The following ANAPC2 variants were observed in gnomAD, a reference collection of about 807,000 sequenced individuals.
The protein encoded by ANAPC2 is anaphase promoting complex subunit 2.
ANAPC2 carries 29 observed loss-of-function variants against 84.3 expected under a neutral mutation model. The observed-to-expected ratio is 0.34, with a 90% CI of 0.26 to 0.47. The LOEUF (loss-of-function observed/expected upper bound fraction) is 0.47, where lower values mean the gene tolerates loss of function less well. Among genes scored for constraint, ANAPC2 ranks in the 20% least tolerant of loss-of-function variants. ANAPC2 has a pLI of 1.00. For missense variants in ANAPC2, 857 were observed against 1,131.7 expected (o/e 0.76, Z 3.48); for synonymous variants, 571 against 479.4 (o/e 1.19, Z -2.50).
intron 8 of ANAPC2, 118 bp downstream of exon 8, chr9:137,180,670 T>G: frequency 6.4e-7 from 1 of 1,561,990 alleles, no homozygotes; most frequent in South Asian, 1.2e-5. Flanking sequence ...CAGCCAGGAG[T>G]GGGGGCGGAA....
intron 10 of ANAPC2, among the ~76,000 whole-genome samples, chr9:137,177,547 G>A (rs1184806948): frequency 4.7e-5 from 7 of 148,664 alleles, no homozygotes; most frequent in Admixed American, 4.6e-4. Context: ...GATGTGTGTG[G>A]AACTTTGTGT....
chr9:137,185,260 G>T (rs557946272), intron 3 of ANAPC2, among the ~76,000 whole-genome samples, 173 bp from the exon 4 acceptor site: 8 of 152,316 alleles, frequency 5.3e-5, no homozygotes, highest in African/African-American at 1.7e-4. Flanking sequence ...GTGGGTGATG[G>T]CCCAAAAGGC....
At chr9:137,185,180 G>C in intron 3 of ANAPC2, 93 bp from the exon 4 acceptor site, 1 of 1,359,696 alleles carries the variant, frequency 7.4e-7, no homozygotes, top group Non-Finnish European at 9.7e-7. Flanking sequence ...CACCCACCCT[G>C]TCGGCCGGGA....
intron 3 of ANAPC2, 56 bp from the exon 4 acceptor site, chr9:137,185,143 C>A: frequency 6.9e-7 from 1 of 1,445,498 alleles, no homozygotes. Context: ...CCCGGGCTGA[C>A]TCAGAGGCTG....
Position 137,183,206 on chromosome 9 carries a change from G to A in ANAPC2, c.1205C>T (p.Ser402Phe). ...CAGCACGCGCAGCGCCTTGATGGCA[G>A]AGATATAGAGGGTGATGATGTCACA... is the stretch of plus-strand genomic sequence containing the variant. Reference protein sequence around the residue: ...NTCDIITLYISAIKALRVLDP... With the variant: ...NTCDIITLYIFAIKALRVLDP... The change falls in exon 6 of 13, where the codon TCT becomes TTT. Residue 402 changes from serine (S) to phenylalanine (F), a missense_variant. Coordinates refer to ENST00000323927, the MANE Select transcript of ANAPC2 (RefSeq NM_013366.4). 2.5e-6 allele frequency: 4 copies of A among 1,613,274 alleles called. No homozygotes were observed. Among genetic ancestry groups the A allele is most frequent in the Non-Finnish European group, 3.4e-6 (4 of 1,179,966 alleles).
chr9:137,178,458 G>T (rs896958641), intron 10 of ANAPC2, among the ~76,000 whole-genome samples: 3 of 152,270 alleles, frequency 2.0e-5, no homozygotes, highest in Non-Finnish European at 2.9e-5. Context: ...GCTGAGTCAT[G>T]CCTGGGACCC....
Position 137,175,260 on chromosome 9 carries a change from C to A in ANAPC2, c.2233G>T (p.Asp745Tyr). Reference sequence around the variant, plus strand: ...ACCAGCAGCTCCTCCTCCTTCTGGTCGGCCTGGGAGGCCATGCCGGAGTCG... The same window carrying A: ...ACCAGCAGCTCCTCCTCCTTCTGGTAGGCCTGGGAGGCCATGCCGGAGTCG... ...ESDSGMASQA[D>Y]QKEEELLLFW... The change falls in exon 12 of 13, where the codon GAC (aspartate) becomes TAC (tyrosine). Residue 745 changes from aspartate (D) to tyrosine (Y), a missense_variant. Coordinates refer to ENST00000323927, the MANE Select transcript of ANAPC2 (RefSeq NM_013366.4). The A allele has an allele frequency of 6.2e-7, 1 of 1,612,444 alleles. No individual in the cohort carries two copies. Among genetic ancestry groups the A allele is most frequent in the South Asian group, 1.1e-5 (1 of 91,024 alleles).
intron 3 of ANAPC2, 50 bp from the exon 4 acceptor site, chr9:137,185,137 G>T: frequency 6.9e-7 from 1 of 1,456,474 alleles, no homozygotes. Flanking sequence ...GTGAGCCCCG[G>T]GCTGACTCAG....
In ANAPC2 at chr9:137,184,929, G is replaced by A; in HGVS notation, c.1032C>T (p.Leu344=). ...RIYASLRIEE[L]FSIVRDFPDS... is the part of the protein sequence containing the mutation. ...CAGGACCACCTCGGACGATGCTGAA[G>A]AGCTCCTCGATGCGCAGGCTGGCGT... The change falls in exon 4 of 13, where the codon CTC becomes CTT. Residue 344 remains leucine, a synonymous_variant. Coordinates refer to ENST00000323927, the MANE Select transcript of ANAPC2 (RefSeq NM_013366.4). 6.2e-7 allele frequency: 1 copy of A among 1,612,806 alleles called. No homozygotes were observed. Among genetic ancestry groups the A allele is most frequent in the East Asian group, 2.2e-5 (1 of 44,864 alleles).
At chr9:137,187,256 G>A in intron 2 of ANAPC2, 3 of 597,924 alleles carry the variant, frequency 5.0e-6, no homozygotes, top group South Asian at 4.7e-5. Flanking sequence ...AGCCACATAG[G>A]GCCTTACCAG....
chr9:137,186,189 T>C (rs771856081), intron 3 of ANAPC2, 35 bp downstream of exon 3: 1 of 1,605,694 alleles, frequency 6.2e-7, no homozygotes, highest in Non-Finnish European at 8.5e-7. Flanking sequence ...CTCCCCTGTC[T>C]CCAGCGGGGC....
Position 137,180,184 on chromosome 9 carries a change from G to A in ANAPC2, c.1887C>T (p.Leu629=). ...GGGTGGCCTGGCATGGAGGTACCTT[G>A]AGCTGCTCATACTTCTTGCAGTAAG... ...LEAYCKKYEQ[L]KAMRTLSWKH... The change falls in exon 10 of 13, where the codon CTC becomes CTT. Residue 629 remains leucine (L), a synonymous_variant. Coordinates refer to ENST00000323927, the MANE Select transcript of ANAPC2 (RefSeq NM_013366.4). 6.2e-7 allele frequency: 1 copy of A among 1,613,412 alleles called. No individual in the cohort carries two copies. The highest frequency in any genetic ancestry group is 8.5e-7 in the Non-Finnish European group (1 of 1,179,912).
At chr9:137,186,474 AC>A (rs1834473114) in intron 2 of ANAPC2, 118 bp from the exon 3 acceptor site, 1 of 1,331,624 alleles carries the variant, frequency 7.5e-7, no homozygotes, top group Non-Finnish European at 1.0e-6. Context: ...ACACACACAC[AC>A]ACCCAGCACA....
intron 2 of ANAPC2, 175 bp from the exon 3 acceptor site, chr9:137,186,531 C>T: frequency 1.1e-6 from 1 of 929,590 alleles, no homozygotes; most frequent in South Asian, 1.8e-5. Flanking sequence ...GTACCAAAGG[C>T]TTCAAGAAGC....
chr9:137,186,370 C>A lies in ANAPC2; in HGVS notation c.741-14G>T. The A allele has an allele frequency of 6.3e-7, 1 of 1,589,442 alleles. No individual in the cohort carries two copies. Among genetic ancestry groups the A allele is most frequent in the East Asian group, 2.3e-5 (1 of 43,442 alleles). On this transcript the variant is annotated splice_polypyrimidine_tract_variant and intron_variant, in intron 2 of 12. Transcript: ENST00000323927. ...CTGAGCCTGTGTCTAGAGGAGAGCC[C>A]TGGCCATGGGGCACCCAGAGCACAC...
At position 137,181,699 on chromosome 9, in the gene ANAPC2, G is replaced by A; in HGVS notation, c.1450C>T (p.Pro484Ser). The A allele has an allele frequency of 6.2e-7, 1 of 1,601,368 alleles. No homozygotes were observed. Among genetic ancestry groups the A allele is most frequent in the Non-Finnish European group, 8.5e-7 (1 of 1,172,820 alleles). Residue 484 changes from proline (P) to serine (S), a missense_variant, in exon 7 of 13, where the codon CCT becomes TCT. Physicochemically the swap from Pro to Ser is moderately conservative, Grantham distance 74. Transcript: ENST00000323927. Reference sequence around the variant, plus strand: ...AGCTAACCTGGATCGGCATCCACAGGGTCCGGGACCCAGTCCTCTGGCTCG... The same window carrying A: ...AGCTAACCTGGATCGGCATCCACAGAGTCCGGGACCCAGTCCTCTGGCTCG... ...SGEPEDWVPD[P>S]VDADPGKSSS...
At chr9:137,183,828 G>A (rs1564378009) in intron 4 of ANAPC2, 37 bp from the exon 5 acceptor site, 15 of 1,608,734 alleles carry the variant, frequency 9.3e-6, no homozygotes, top group Non-Finnish European at 1.3e-5. Flanking sequence ...GACAGACATG[G>A]ATGCGTGCGC....
At chr9:137,184,596 A>C (rs972969748) in intron 4 of ANAPC2, among the ~76,000 whole-genome samples, 32 of 137,940 alleles carry the variant, frequency 2.3e-4, no homozygotes, top group Non-Finnish European at 4.3e-4. Flanking sequence ...AGACACGGCG[A>C]AGGCCCTGGG....
intron 10 of ANAPC2, among the ~76,000 whole-genome samples, chr9:137,177,724 G>A (rs547691841): frequency 5.9e-5 from 9 of 152,258 alleles, no homozygotes; most frequent in East Asian, 1.9e-4. Flanking sequence ...CCTAACTCCC[G>A]GTGCCTCTGA....
Sources: gnomAD v4.1 joint callset for allele counts (sites outside exome capture counted in the v4.1 genomes callset) on GRCh38, gnomAD v4.1.1 for gene constraint, MANE v1.5 for transcripts, NCBI Gene and HGNC (gene_info 2026-07-23, HGNC 2026-07-21) for gene names.